Variants in CDH13 observed in about 807,000 individuals in gnomAD.
CDH13 encodes cadherin 13, also known as cadherin-13.
In CDH13, 24 loss-of-function variants were observed where a neutral mutation model predicts 63.8. The ratio of observed to expected loss-of-function variants is 0.38; its 90% CI spans 0.27 to 0.53. CDH13 has a LOEUF of 0.53. Ranked by LOEUF, CDH13 falls within the 20% of genes least tolerant of loss-of-function variation. The pLI is 0.85. For synonymous variants in CDH13, 503 were observed against 355.3 expected (o/e 1.42, Z -4.67); for missense variants, 1,049 against 903.1 (o/e 1.16, Z -2.07).
chr16:83,287,358 C>T (rs2089344619), intron 5 of CDH13, among the ~76,000 whole-genome samples: 1 of 152,176 alleles, frequency 6.6e-6, no homozygotes, highest in African/African-American at 2.4e-5. Flanking sequence ...CTGTTAGGAA[C>T]CTGGCTGCCC....
chr16:83,447,752 T>TTA (rs1291661351), intron 6 of CDH13, among the ~76,000 whole-genome samples: 1 of 148,874 alleles, frequency 6.7e-6, no homozygotes, highest in Non-Finnish European at 1.5e-5. Flanking sequence ...ATATTTTATA[T>TTA]TATATATATT....
chr16:82,994,311 C>G (rs983965932), intron 2 of CDH13, among the ~76,000 whole-genome samples: 1 of 152,184 alleles, frequency 6.6e-6, no homozygotes, highest in Non-Finnish European at 1.5e-5. Context: ...TGACTTAGTA[C>G]AACCCTGGCC....
At chr16:82,775,011 A>G (rs2035431557) in intron 1 of CDH13, among the ~76,000 whole-genome samples, 1 of 152,110 alleles carries the variant, frequency 6.6e-6, no homozygotes, top group South Asian at 2.1e-4. Flanking sequence ...TGCAGACTCT[A>G]CCTAATGGCC....
intron 2 of CDH13, among the ~76,000 whole-genome samples, chr16:82,919,484 G>A (rs2042089854): frequency 6.6e-6 from 1 of 152,116 alleles, no homozygotes; most frequent in Non-Finnish European, 1.5e-5. Flanking sequence ...TCTTGTGTTA[G>A]CTTGCTAAGG....
intron 11 of CDH13, among the ~76,000 whole-genome samples, chr16:83,771,863 A>G (rs1457705681): frequency 1.3e-5 from 2 of 152,172 alleles, no homozygotes; most frequent in Non-Finnish European, 2.9e-5. Context: ...TTGTATTAGG[A>G]GGTAAAATTA....
At chr16:83,697,234 A>G (rs1198734715) in intron 10 of CDH13, among the ~76,000 whole-genome samples, 3 of 152,232 alleles carry the variant, frequency 2.0e-5, no homozygotes, top group South Asian at 2.1e-4. Context: ...TGACGTGCAC[A>G]TTCACAGTTG....
intron 5 of CDH13, among the ~76,000 whole-genome samples, chr16:83,323,196 T>G (rs1391156464): frequency 1.4e-5 from 2 of 145,744 alleles, no homozygotes; most frequent in Admixed American, 1.4e-4. Context: ...CTTTCTTTCT[T>G]TCTTTCTTTC....
intron 6 of CDH13, among the ~76,000 whole-genome samples, chr16:83,409,760 G>C (rs2151454893): frequency 6.6e-6 from 1 of 152,346 alleles, no homozygotes; most frequent in South Asian, 2.1e-4. Context: ...GGGATGTTGA[G>C]TGGTACAATC....
chr16:82,661,072 G>A (rs1911886967), intron 1 of CDH13, among the ~76,000 whole-genome samples: 2 of 152,340 alleles, frequency 1.3e-5, no homozygotes, highest in South Asian at 4.1e-4. Context: ...GGGCTCTTGA[G>A]AGAGTGATGG....
chr16:83,489,942 G>A (rs1262551656), intron 7 of CDH13, among the ~76,000 whole-genome samples: 1 of 152,044 alleles, frequency 6.6e-6, no homozygotes, highest in South Asian at 2.1e-4. Context: ...CAAATTGCGT[G>A]TTGGAACAAT....
At chr16:83,331,618 T>C (rs146018896) in intron 5 of CDH13, among the ~76,000 whole-genome samples, 127 of 152,332 alleles carry the variant, frequency 8.3e-4, no homozygotes, top group African/African-American at 3.1e-3. Context: ...ATCTAGAAAG[T>C]ATAGCAAAGC....
At chr16:83,097,296 A>T (rs555003364) in intron 3 of CDH13, among the ~76,000 whole-genome samples, 62 of 152,362 alleles carry the variant, frequency 4.1e-4, no homozygotes, top group African/African-American at 1.5e-3. Context: ...CTAATCTGTT[A>T]TAATGCTGCT....
chr16:83,169,554 G>C (rs72800263), intron 4 of CDH13, among the ~76,000 whole-genome samples: 1 of 145,532 alleles, frequency 6.9e-6, no homozygotes, highest in Admixed American at 6.6e-5. Flanking sequence ...AAAAAACAGT[G>C]GTAAGGTTTT....
chr16:83,747,240 C>T (rs1017650876), intron 10 of CDH13, among the ~76,000 whole-genome samples: 2 of 152,184 alleles, frequency 1.3e-5, no homozygotes, highest in African/African-American at 4.8e-5. Context: ...ACCCAAGTCT[C>T]ATCTTGAATT....
chr16:83,774,035 C>G (rs118114405), intron 11 of CDH13, among the ~76,000 whole-genome samples: 3 of 152,184 alleles, frequency 2.0e-5, no homozygotes, highest in African/African-American at 7.2e-5. Flanking sequence ...CAGACTGTCC[C>G]CATGTGGAGC....
chr16:83,266,364 A>C (rs1315227365), intron 5 of CDH13, among the ~76,000 whole-genome samples: 2 of 152,234 alleles, frequency 1.3e-5, no homozygotes, highest in Admixed American at 1.3e-4. Context: ...TATATGGTCC[A>C]CTTTAATTTT....
chr16:83,339,713 C>T (rs2090679920), intron 5 of CDH13, among the ~76,000 whole-genome samples: 1 of 152,150 alleles, frequency 6.6e-6, no homozygotes, highest in South Asian at 2.1e-4. Flanking sequence ...ATGTCCCCCA[C>T]CTCCAGCAAT....
At chr16:82,631,932 C>G (rs1908055856) in intron 1 of CDH13, among the ~76,000 whole-genome samples, 1 of 152,178 alleles carries the variant, frequency 6.6e-6, no homozygotes, top group African/African-American at 2.4e-5. Flanking sequence ...ACCTGCAACT[C>G]TGGCTTCTGG....
chr16:82,931,642 G>A (rs985845415), intron 2 of CDH13, among the ~76,000 whole-genome samples: 2 of 152,040 alleles, frequency 1.3e-5, no homozygotes, highest in Non-Finnish European at 2.9e-5. Flanking sequence ...TGGACTCACA[G>A]TTCCATGTGG....
Sources: gnomAD v4.1 joint callset for allele counts (sites outside exome capture counted in the v4.1 genomes callset) on GRCh38, gnomAD v4.1.1 for gene constraint, MANE v1.5 for transcripts, NCBI Gene and HGNC (gene_info 2026-07-23, HGNC 2026-07-21) for gene names.